Variants in PRKAR1B observed in about 807,000 individuals in gnomAD.
The protein encoded by PRKAR1B is cAMP-dependent protein kinase type I-beta regulatory subunit.
A neutral mutation model predicts 46.5 loss-of-function variants in PRKAR1B; 22 were observed. That is an observed-to-expected ratio of 0.47 (90% CI 0.34 to 0.68). PRKAR1B has a LOEUF of 0.68. PRKAR1B is among the 30% of genes least tolerant of loss of function. The probability of loss-of-function intolerance (pLI) is 0.01; values close to 1 mark genes in which losing one functional copy is unlikely to be tolerated. For missense variants in PRKAR1B, 445 were observed against 535.6 expected, an observed-to-expected ratio of 0.83 and a Z score of 1.67; for synonymous variants, 259 against 217.7, an observed-to-expected ratio of 1.19 and a Z score of -1.67.
chr7:698,506 G>A (rs182211009), intron 2 of PRKAR1B, among the ~76,000 whole-genome samples: 4 of 152,140 alleles, frequency 2.6e-5, no homozygotes, highest in African/African-American at 7.2e-5. Context: ...AGGTAAGTAC[G>A]TGCGTGAGCA....
At chr7:592,486 C>G (rs1781036223) in intron 7 of PRKAR1B, among the ~76,000 whole-genome samples, 1 of 150,992 alleles carries the variant, frequency 6.6e-6, no homozygotes, top group Admixed American at 6.6e-5. Flanking sequence ...ACCGGCTGTG[C>G]CGAGTCACTC....
chr7:652,011 G>A (rs1214331092), intron 4 of PRKAR1B, among the ~76,000 whole-genome samples: 4 of 77,620 alleles, frequency 5.2e-5, no homozygotes, highest in African/African-American at 1.8e-4. Flanking sequence ...GGAACCTGGG[G>A]AAACCCCTCT....
chr7:711,590 C>A (rs1780634265), intron 1 of PRKAR1B, 63 bp from the exon 2 acceptor site: 5 of 1,436,992 alleles, frequency 3.5e-6, no homozygotes, highest in Non-Finnish European at 4.8e-6. Context: ...GCCGGATAAA[C>A]GCAGGCGGCG....
intron 2 of PRKAR1B, among the ~76,000 whole-genome samples, chr7:683,339 T>C (rs368801087): frequency 6.6e-6 from 1 of 152,172 alleles, no homozygotes. Flanking sequence ...GGTTTGCTTA[T>C]TGGTTCCAAA....
chr7:633,807 C>T (rs531146200), intron 4 of PRKAR1B, among the ~76,000 whole-genome samples: 9 of 152,124 alleles, frequency 5.9e-5, no homozygotes, highest in Non-Finnish European at 1.0e-4. Flanking sequence ...CTCCTGTTCA[C>T]GGCCTTCCCA....
chr7:623,824 G>A (rs950223049), intron 4 of PRKAR1B, among the ~76,000 whole-genome samples: 2 of 152,224 alleles, frequency 1.3e-5, no homozygotes, highest in African/African-American at 4.8e-5. Context: ...TGGCATTGGA[G>A]AGAGAAGCGC....
chr7:689,358 T>C (rs1235779724), intron 2 of PRKAR1B, among the ~76,000 whole-genome samples: 2 of 152,028 alleles, frequency 1.3e-5, no homozygotes, highest in Non-Finnish European at 2.9e-5. Flanking sequence ...CCTGACCTTG[T>C]GATCCACCCA....
In PRKAR1B at chr7:620,690, T is replaced by C. The variant is rs539166011; in HGVS notation, c.441-13238A>G. 1.6e-4 allele frequency among the ~76,000 whole-genome samples: 24 copies of C among 152,362 alleles called. No homozygotes were observed. The South Asian group carries it at 5.0e-3, about 32-fold the overall frequency. On this transcript the variant is annotated intron_variant, in intron 4 of 10. Coordinates refer to ENST00000537384, the MANE Select transcript of PRKAR1B (RefSeq NM_001164760.2). ...CAACCCTGCTGAACACTCATAAGAA[T>C]GTAAGAGTTGTTCTGTGTATTCTAT...
chr7:610,589 G>A (rs1313372156), intron 4 of PRKAR1B, among the ~76,000 whole-genome samples: 1 of 152,110 alleles, frequency 6.6e-6, no homozygotes, highest in African/African-American at 2.4e-5. Context: ...CCAGCTCATC[G>A]CCGACAAAGG....
chr7:722,067 T>C (rs543096650), intron 1 of PRKAR1B, among the ~76,000 whole-genome samples: 1 of 152,026 alleles, frequency 6.6e-6, no homozygotes, highest in East Asian at 1.9e-4. Context: ...TGGATTTATG[T>C]TTTTCATTGA....
intron 3 of PRKAR1B, among the ~76,000 whole-genome samples, chr7:677,709 G>T (rs1210249674): frequency 6.6e-6 from 1 of 152,162 alleles, no homozygotes; most frequent in Non-Finnish European, 1.5e-5. Context: ...TTACAGGTGT[G>T]AGCCACCGCA....
intron 5 of PRKAR1B, among the ~76,000 whole-genome samples, chr7:606,759 A>G (rs1213289095): frequency 7.9e-6 from 1 of 126,770 alleles, no homozygotes; most frequent in Non-Finnish European, 1.7e-5. Context: ...CACAATGAGA[A>G]TTTTATGCGT....
chr7:660,340 C>T (rs1785440359), intron 4 of PRKAR1B, among the ~76,000 whole-genome samples: 1 of 152,046 alleles, frequency 6.6e-6, no homozygotes, highest in South Asian at 2.1e-4. Context: ...TGCCACAGGC[C>T]CCGCTCCAAC....
chr7:558,158 A>G (rs915640370), intron 9 of PRKAR1B, among the ~76,000 whole-genome samples: 1 of 151,520 alleles, frequency 6.6e-6, no homozygotes, highest in Non-Finnish European at 1.5e-5. Flanking sequence ...TTAAAAAAAA[A>G]AAGAAAAAAA....
intron 4 of PRKAR1B, among the ~76,000 whole-genome samples, chr7:676,742 A>T (rs903205172): frequency 6.6e-6 from 1 of 152,340 alleles, no homozygotes; most frequent in South Asian, 2.1e-4. Context: ...TCCATGGCCC[A>T]TGAGTCAGAG....
intron 2 of PRKAR1B, among the ~76,000 whole-genome samples, chr7:692,556 C>T (rs754350034): frequency 6.6e-5 from 10 of 152,194 alleles, no homozygotes; most frequent in South Asian, 2.1e-4. Context: ...ATAATAGAGT[C>T]GGCAGGAACC....
chr7:705,148 T>C (rs770591320), intron 2 of PRKAR1B, among the ~76,000 whole-genome samples: 4 of 151,474 alleles, frequency 2.6e-5, no homozygotes, highest in Non-Finnish European at 5.9e-5. Context: ...AAAAACTAGC[T>C]AGGCATGGTG....
intron 4 of PRKAR1B, among the ~76,000 whole-genome samples, chr7:663,637 G>A (rs536349011): frequency 9.2e-5 from 14 of 152,296 alleles, no homozygotes; most frequent in Admixed American, 5.9e-4. Flanking sequence ...TACACAGACC[G>A]TGGTCAAACC....
intron 2 of PRKAR1B, among the ~76,000 whole-genome samples, chr7:696,130 G>T (rs56710379): frequency 0.033 from 5,032 of 151,580 alleles, 308 homozygotes; most frequent in African/African-American, 0.12. Flanking sequence ...CCACCAGTAT[G>T]CCTGGCTAAA....
Sources: gnomAD v4.1 joint callset for allele counts (sites outside exome capture counted in the v4.1 genomes callset) on GRCh38, gnomAD v4.1.1 for gene constraint, MANE v1.5 for transcripts, NCBI Gene and HGNC (gene_info 2026-07-23, HGNC 2026-07-21) for gene names.